ROCK1: variants seen among roughly 807,000 people sequenced by gnomAD.
ROCK1 encodes the protein rho-associated protein kinase 1.
ROCK1 carries 36 observed loss-of-function variants against 196.8 expected under a neutral mutation model. The ratio of observed to expected loss-of-function variants is 0.18; its 90% CI spans 0.14 to 0.24. The LOEUF is 0.24. ROCK1 is among the 10% of genes least tolerant of loss of function. The pLI is 1.00. For synonymous variants in ROCK1, 443 were observed against 515.9 expected, an observed-to-expected ratio of 0.86 and a Z score of 1.91; for missense variants, 920 against 1,562.0, an observed-to-expected ratio of 0.59 and a Z score of 6.93.
At chr18:21,065,166 C>A (rs2036323307) in intron 2 of ROCK1, among the ~76,000 whole-genome samples, 1 of 152,168 alleles carries the variant, frequency 6.6e-6, no homozygotes, top group African/African-American at 2.4e-5. Context: ...GTGTAACATT[C>A]TAAATGATCA....
At chr18:21,079,716 T>C (rs1276371232) in intron 1 of ROCK1, among the ~76,000 whole-genome samples, 2 of 152,156 alleles carry the variant, frequency 1.3e-5, no homozygotes, top group Non-Finnish European at 2.9e-5. Flanking sequence ...TTGCCTGCCA[T>C]GGCTACTAAA....
chr18:21,042,903 A>G (rs2036119474), intron 6 of ROCK1, among the ~76,000 whole-genome samples, 194 bp from the exon 7 acceptor site: 1 of 152,118 alleles, frequency 6.6e-6, no homozygotes, highest in Admixed American at 6.6e-5. Context: ...CACACCATAT[A>G]CATATATACC....
At chr18:21,054,638 C>T (rs115073797) in intron 2 of ROCK1, among the ~76,000 whole-genome samples, 52 of 152,294 alleles carry the variant, frequency 3.4e-4, no homozygotes, top group African/African-American at 1.1e-3. Context: ...GAGGTCACCA[C>T]GTCTCATCGC....
rs768055546 is a variant in ROCK1, at chr18:20,984,467, C to G, written c.2373G>C (p.Lys791Asn). 1 of 1,613,468 alleles carries G rather than the reference C, an allele frequency of 6.2e-7. No homozygotes were observed. Among genetic ancestry groups the G allele is most frequent in the South Asian group, 1.1e-5 (1 of 91,058 alleles). Residue 791 changes from lysine (K) to asparagine (N), a missense_variant, in exon 20 of 33, where the codon AAG (lysine) becomes AAC (asparagine). Around this residue, in one of 6 missense-constraint regions of ROCK1, gnomAD observed 520 missense variants for 657.1 expected, o/e 0.79. Coordinates refer to ENST00000399799, the MANE Select transcript of ROCK1 (RefSeq NM_005406.3). ...NKRLLLQNEL[K>N]TQAFEADNLK... ...AATTGTCTGCCTCAAATGCTTGAGT[C>G]TTCAATTCATTTTGTAACAACAGCC...
rs1448233190 is a variant in ROCK1 at position 20,949,598 on chromosome 18, T to C, written c.*1786A>G. The C allele has an allele frequency of 1.3e-5, 2 of 152,266 alleles. No homozygotes were observed. The highest frequency in any genetic ancestry group is 6.5e-5 in the Admixed American group (1 of 15,284). 9.4% of individuals were successfully genotyped at this position (152,266 alleles called of 1,614,324 possible). ...ACTACATAAATATCCTTGGAAAAGA[T>C]AGTCAAAAGAAAGGTTGTCAGAGCC... On this transcript the variant is annotated 3_prime_UTR_variant, in exon 33 of 33. Transcript: ENST00000399799.
At chr18:20,989,532 C>T (rs1437442576) in intron 18 of ROCK1, among the ~76,000 whole-genome samples, 4 of 151,982 alleles carry the variant, frequency 2.6e-5, no homozygotes, top group African/African-American at 9.7e-5. Flanking sequence ...GAATCTGACA[C>T]CATTGAAGTT....
intron 10 of ROCK1, among the ~76,000 whole-genome samples, chr18:21,026,519 A>C (rs556957992): frequency 1.2e-3 from 180 of 151,548 alleles, no homozygotes; most frequent in African/African-American, 4.1e-3. Context: ...TATGTATGTT[A>C]ATTGAATACA....
At chr18:20,989,333 A>G (rs376010610) in intron 18 of ROCK1, among the ~76,000 whole-genome samples, 11 of 152,190 alleles carry the variant, frequency 7.2e-5, no homozygotes, top group African/African-American at 2.2e-4. Flanking sequence ...CATAAAGACC[A>G]TATGGCCATT....
rs141199662 is a variant in ROCK1 at position 21,022,673 on chromosome 18, C to A, written c.1272+947G>T. Among the ~76,000 whole-genome samples, 222 of 152,268 alleles carry A rather than the reference C, an allele frequency of 1.5e-3. 2 individuals carry two copies. The East Asian group carries it at 0.015, about 11-fold the overall frequency. On this transcript the variant is annotated intron_variant, in intron 11 of 32. Coordinates refer to ENST00000399799, the MANE Select transcript of ROCK1 (RefSeq NM_005406.3). ...CCTCTTCTATGATGTCAGGCTTTCT[C>A]TGAGCTACGATAAGATTTTCTCTCT...
intron 2 of ROCK1, among the ~76,000 whole-genome samples, chr18:21,056,672 T>C (rs1016683344): frequency 6.6e-6 from 1 of 152,206 alleles, no homozygotes; most frequent in Non-Finnish European, 1.5e-5. Context: ...AAGTCTCTAA[T>C]GTCTTGCCAT....
chr18:21,061,157 C>A (rs1598548226), intron 2 of ROCK1, among the ~76,000 whole-genome samples: 2 of 151,472 alleles, frequency 1.3e-5, no homozygotes, highest in African/African-American at 2.4e-5. Context: ...TGGCTCACTG[C>A]AACCTCCACT....
intron 22 of ROCK1, 78 bp downstream of exon 22, chr18:20,979,832 G>T: frequency 7.0e-7 from 1 of 1,431,348 alleles, no homozygotes. Flanking sequence ...CAGAATAATG[G>T]CACATCTATT....
intron 17 of ROCK1, 73 bp downstream of exon 17, chr18:20,992,758 T>C: frequency 3.4e-6 from 3 of 876,842 alleles, no homozygotes; most frequent in Non-Finnish European, 5.3e-6. Flanking sequence ...TGCTATTTTA[T>C]AAAACCACCT....
At chr18:20,992,744 T>G (rs2035637259) in intron 17 of ROCK1, 87 bp downstream of exon 17, 7 of 755,274 alleles carry the variant, frequency 9.3e-6, no homozygotes. Flanking sequence ...ACATTAAGAA[T>G]AAATGCTATT....
chr18:21,032,108 T>C (rs147428895), intron 9 of ROCK1, among the ~76,000 whole-genome samples: 1 of 152,102 alleles, frequency 6.6e-6, no homozygotes, highest in East Asian at 1.9e-4. Flanking sequence ...AATCTACACA[T>C]CCAAGAAGCT....
chr18:20,955,359 T>G, intron 29 of ROCK1, 114 bp from the exon 30 acceptor site: 1 of 907,046 alleles, frequency 1.1e-6, no homozygotes, highest in African/African-American at 1.7e-5. Flanking sequence ...TTCAACATCA[T>G]CAGTCATTAG....
Position 20,984,384 on chromosome 18 carries a change from C to T in ROCK1, c.2456G>A (p.Arg819Lys). The change falls in exon 20 of 33, where the codon AGA becomes AAA. Residue 819 changes from arginine (R) to lysine (K), a missense_variant. By Grantham distance (26) the Arg-to-Lys change is conservative (BLOSUM62 2). Around this residue, in one of 6 missense-constraint regions of ROCK1, gnomAD observed 520 missense variants for 657.1 expected, o/e 0.79. Coordinates refer to ENST00000399799, the MANE Select transcript of ROCK1 (RefSeq NM_005406.3). ...CTGAGCTAACTCAAATTCTAATAAT[C>T]TCTTTGCTTCCAATAAAGTATTTAT... is the stretch of plus-strand genomic sequence containing the variant. Reference protein sequence around the residue: ...QEINTLLEAKRLLEFELAQLT... With the variant: ...QEINTLLEAKKLLEFELAQLT... 1 of 1,608,904 alleles carries T rather than the reference C, an allele frequency of 6.2e-7. No individual in the cohort carries two copies. Among genetic ancestry groups the T allele is most frequent in the African/African-American group, 1.3e-5 (1 of 74,802 alleles).
intron 27 of ROCK1, 107 bp downstream of exon 27, chr18:20,966,810 A>G: frequency 2.3e-6 from 2 of 853,402 alleles, no homozygotes; most frequent in Non-Finnish European, 3.7e-6. Context: ...ATTCCTTCTT[A>G]GGAATCCATG....
intron 21 of ROCK1, 151 bp downstream of exon 21, chr18:20,982,612 A>C: frequency 1.9e-6 from 1 of 520,274 alleles, no homozygotes. Context: ...CAAGAAACAA[A>C]TGGACAAACA....
Sources: allele counts gnomAD v4.1 joint callset (sites outside exome capture counted in the v4.1 genomes callset), GRCh38; gene constraint gnomAD v4.1.1; regional missense constraint gnomAD v4.1.1; transcripts MANE v1.5; gene names NCBI Gene and HGNC (gene_info 2026-07-23, HGNC 2026-07-21).